ELMO1: variants seen among roughly 807,000 people sequenced by gnomAD.
ELMO1 encodes the protein engulfment and cell motility protein 1.
ELMO1 carries 26 observed loss-of-function variants against 98.9 expected under a neutral mutation model. The ratio of observed to expected loss-of-function variants is 0.26; its 90% CI spans 0.19 to 0.36. ELMO1 has a LOEUF of 0.36. Ranked by LOEUF, ELMO1 falls within the 10% of genes least tolerant of loss-of-function variation. The pLI is 1.00. For synonymous variants in ELMO1, 346 were observed against 346.0 expected (o/e 1.00, Z 0.00); for missense variants, 627 against 935.2 (o/e 0.67, Z 4.30).
intron 14 of ELMO1, among the ~76,000 whole-genome samples, chr7:37,105,737 G>C (rs1784907803): frequency 6.6e-6 from 1 of 152,178 alleles, no homozygotes; most frequent in South Asian, 2.1e-4. Context: ...GCAAAGCAAT[G>C]AAAGTAGACA....
intron 14 of ELMO1, among the ~76,000 whole-genome samples, chr7:37,122,321 G>A (rs76410661): frequency 0.038 from 5,720 of 152,000 alleles, 301 homozygotes; most frequent in African/African-American, 0.12. Flanking sequence ...TAAATACTCC[G>A]ATTAAAAGAC....
At chr7:37,296,763 A>G (rs1335989674) in intron 4 of ELMO1, among the ~76,000 whole-genome samples, 1 of 152,244 alleles carries the variant, frequency 6.6e-6, no homozygotes, top group East Asian at 1.9e-4. Context: ...AGATACTTGG[A>G]TATTTATTTC....
intron 13 of ELMO1, among the ~76,000 whole-genome samples, chr7:37,185,719 CA>C (rs1217016843): frequency 6.6e-6 from 1 of 151,916 alleles, no homozygotes; most frequent in African/African-American, 2.4e-5. Context: ...TAATAGCATA[CA>C]AAAGAATGAA....
intron 2 of ELMO1, among the ~76,000 whole-genome samples, chr7:37,338,959 A>G (rs1413880230): frequency 1.3e-5 from 2 of 152,244 alleles, no homozygotes; most frequent in African/African-American, 4.8e-5. Context: ...TCATGGGCAG[A>G]CGTCCCTCTG....
At chr7:37,269,908 A>G (rs571571055) in intron 5 of ELMO1, 1 of 152,300 alleles carries the variant, frequency 6.6e-6, no homozygotes, top group East Asian at 1.9e-4. Context: ...TCTGCCTAAC[A>G]TCTAAGCCTT....
At chr7:37,150,813 A>G (rs1385549440) in intron 13 of ELMO1, among the ~76,000 whole-genome samples, 1 of 152,156 alleles carries the variant, frequency 6.6e-6, no homozygotes, top group Non-Finnish European at 1.5e-5. Flanking sequence ...TATCTTTCTA[A>G]CTTTTTGTAA....
chr7:37,119,855 G>C (rs1785883038), intron 14 of ELMO1, among the ~76,000 whole-genome samples: 1 of 152,156 alleles, frequency 6.6e-6, no homozygotes. Context: ...CAGCCAGTAT[G>C]CAAAGATTTT....
intron 13 of ELMO1, among the ~76,000 whole-genome samples, chr7:37,167,492 AT>A (rs1269193028): frequency 6.7e-6 from 1 of 150,198 alleles, no homozygotes; most frequent in Non-Finnish European, 1.5e-5. Context: ...GTTCCTTTCC[AT>A]GTTTAGTGCT....
intron 10 of ELMO1, 50 bp from the exon 11 acceptor site, chr7:37,216,745 T>G (rs376112385): frequency 5.2e-5 from 83 of 1,609,034 alleles, no homozygotes; most frequent in Non-Finnish European, 6.6e-5. Flanking sequence ...GAAAGCTACA[T>G]TTCGACATGG....
chr7:37,246,048 C>T lies in ELMO1; in HGVS notation c.414-1657G>A, dbSNP rs186823297. 2.2e-4 allele frequency among the ~76,000 whole-genome samples: 34 copies of T among 152,196 alleles called. 1 individual carries two copies. The highest frequency in any genetic ancestry group is 7.5e-4 in the African/African-American group (31 of 41,510). Reference sequence around the variant, plus strand: ...TTATTTTCCGATTTCCACAGTGTAACGACTCTCACTATGGCCAACTTAAAG... The same window carrying T: ...TTATTTTCCGATTTCCACAGTGTAATGACTCTCACTATGGCCAACTTAAAG... On this transcript the variant is annotated intron_variant, in intron 6 of 21. Coordinates refer to ENST00000310758, the MANE Select transcript of ELMO1 (RefSeq NM_014800.11).
intron 14 of ELMO1, 140 bp downstream of exon 14, chr7:37,132,989 AT>A (rs5883589): frequency 0.33 from 146,687 of 443,254 alleles, 5,297 homozygotes; most frequent in African/African-American, 0.38. Flanking sequence ...CTTAATTCTG[AT>A]TTTTTTTTTT....
At position 37,314,935 on chromosome 7, in the gene ELMO1, A is replaced by C; in HGVS notation, c.120-13T>G. Reference sequence around the variant, plus strand: ...GGCAAGAGACCACCTTAAAAATACAAGCGTATACTGATTAGAAAAATGAAA... The same window carrying C: ...GGCAAGAGACCACCTTAAAAATACACGCGTATACTGATTAGAAAAATGAAA... On this transcript the variant is annotated splice_polypyrimidine_tract_variant and intron_variant, in intron 3 of 21. Coordinates refer to ENST00000310758, the MANE Select transcript of ELMO1 (RefSeq NM_014800.11). 1 of 1,607,418 alleles carries C rather than the reference A, an allele frequency of 6.2e-7. No homozygotes were observed. Among genetic ancestry groups the C allele is most frequent in the Non-Finnish European group, 8.5e-7 (1 of 1,177,664 alleles).
At chr7:36,928,016 G>A (rs1441959679) in intron 16 of ELMO1, among the ~76,000 whole-genome samples, 2 of 152,144 alleles carry the variant, frequency 1.3e-5, no homozygotes, top group African/African-American at 4.8e-5. Flanking sequence ...AAAATTTATC[G>A]CTTTGTGCTT....
chr7:37,230,432 C>G (rs575341083), intron 8 of ELMO1, among the ~76,000 whole-genome samples: 19 of 152,150 alleles, frequency 1.2e-4, no homozygotes, highest in African/African-American at 4.6e-4. Context: ...ACTTGGAAAG[C>G]ACAGGTGCAT....
intron 16 of ELMO1, among the ~76,000 whole-genome samples, chr7:36,916,953 T>C (rs1457249156): frequency 6.6e-6 from 1 of 152,238 alleles, no homozygotes; most frequent in Non-Finnish European, 1.5e-5. Flanking sequence ...AAGCTGTAAT[T>C]TCAACCAGCC....
chr7:37,182,827 C>G (rs1790967518), intron 13 of ELMO1, among the ~76,000 whole-genome samples: 2 of 152,160 alleles, frequency 1.3e-5, no homozygotes, highest in Admixed American at 6.5e-5. Context: ...GACAAAACAT[C>G]TATTTCACCA....
At chr7:37,339,739 G>A (rs1800616471) in intron 2 of ELMO1, among the ~76,000 whole-genome samples, 1 of 151,880 alleles carries the variant, frequency 6.6e-6, no homozygotes, top group Non-Finnish European at 1.5e-5. Context: ...GTTCCTAATT[G>A]CCCGTCTAGG....
intron 13 of ELMO1, among the ~76,000 whole-genome samples, chr7:37,178,434 CAAAAA>C (rs10572924): frequency 7.1e-6 from 1 of 140,254 alleles, no homozygotes; most frequent in South Asian, 2.3e-4. Context: ...CCCATCTCTT[CAAAAA>C]AAAAAAAAAA....
At chr7:37,123,755 G>A (rs1296063629) in intron 14 of ELMO1, among the ~76,000 whole-genome samples, 2 of 152,112 alleles carry the variant, frequency 1.3e-5, no homozygotes, top group African/African-American at 4.8e-5. Context: ...CCTATCAACA[G>A]AAAAAGAGGG....
Sources: gnomAD v4.1 joint callset for allele counts (sites outside exome capture counted in the v4.1 genomes callset) on GRCh38, gnomAD v4.1.1 for gene constraint, MANE v1.5 for transcripts, NCBI Gene and HGNC (gene_info 2026-07-23, HGNC 2026-07-21) for gene names.